The following DNAJC7 variants were observed in gnomAD, a reference collection of about 807,000 sequenced individuals.
DNAJC7 encodes the protein DnaJ heat shock protein family (Hsp40) member C7.
DNAJC7 carries 18 observed loss-of-function variants against 67.4 expected under a neutral mutation model. The observed-to-expected ratio is 0.27, with a 90% CI of 0.18 to 0.40. DNAJC7 has a LOEUF of 0.40. Among genes scored for constraint, DNAJC7 ranks in the 10% least tolerant of loss-of-function variants. The pLI is 1.00. For missense variants in DNAJC7, 419 were observed against 613.8 expected (o/e 0.68, Z 3.35); for synonymous variants, 220 against 207.8 (o/e 1.06, Z -0.50).
chr17:41,986,128 G>A (rs1315551833), intron 9 of DNAJC7: 4 of 143,800 alleles, frequency 2.8e-5, no homozygotes, highest in Admixed American at 2.3e-4. Flanking sequence ...AACTTTGGGA[G>A]GCCAAGACAG....
rs1274935088 is a variant in DNAJC7, at chr17:42,004,850, ACT to A, written c.78-4282_78-4281del. On this transcript the variant is annotated intron_variant, in intron 1 of 13. Transcript: ENST00000457167. ...AGAACAGCCTGGAAAACACAGGGAG[ACT>A]CTGTCTCTACAAAAATTTAAAAATT... 3.3e-5 allele frequency among the ~76,000 whole-genome samples: 5 copies of A among 152,086 alleles called. No individual in the cohort carries two copies. In the South Asian group the frequency reaches 8.3e-4, roughly 25 times the overall value.
At chr17:42,017,023 C>A in intron 1 of DNAJC7, 1 of 1,316,220 alleles carries the variant, frequency 7.6e-7, no homozygotes, top group Non-Finnish European at 9.7e-7. Context: ...TCATCGACGC[C>A]GCGCCGCTTC....
intron 1 of DNAJC7, among the ~76,000 whole-genome samples, chr17:42,010,690 C>A (rs782347736): frequency 3.9e-5 from 6 of 152,088 alleles, no homozygotes; most frequent in Non-Finnish European, 2.9e-5. Context: ...AGGACAGAAA[C>A]TCCAAAAACA....
intron 1 of DNAJC7, chr17:42,014,841 G>C (rs1377312122): frequency 1.3e-5 from 2 of 151,944 alleles, no homozygotes; most frequent in African/African-American, 4.8e-5. Context: ...TTACAGGTGT[G>C]AGCCACCACG....
chr17:41,979,186 A>G (rs2143092680), intron 12 of DNAJC7, among the ~76,000 whole-genome samples: 1 of 151,368 alleles, frequency 6.6e-6, no homozygotes, highest in East Asian at 2.0e-4. Context: ...TAAAAATATA[A>G]AAATTAGCCG....
Position 41,976,670 on chromosome 17 carries a change from T to G in DNAJC7, c.*63A>C. The G allele has an allele frequency of 6.3e-7, 1 of 1,591,024 alleles. No homozygotes were observed. Among genetic ancestry groups the G allele is most frequent in the Non-Finnish European group, 8.6e-7 (1 of 1,169,456 alleles). On this transcript the variant is annotated 3_prime_UTR_variant, in exon 14 of 14. Transcript: ENST00000457167. ...GTGATGAAGGGAGGAGGTGAACTGT[T>G]TCCACATTCAAGATTAAACTGAGTG... is the stretch of plus-strand genomic sequence containing the variant.
In DNAJC7 at chr17:41,987,865, T is replaced by C. The variant is rs1555647121; in HGVS notation, c.964A>G (p.Lys322Glu). The change falls in exon 9 of 14, where the codon AAG becomes GAG. Residue 322 changes from lysine (K) to glutamate (E), a missense_variant. Transcript: ENST00000457167. ...GCTTTTATGTAAGTGTCATCAAGCT[T>C]CACTGCATTTGTGCAGTCTTCTATT... ...DAIEDCTNAVKLDDTYIKAYL... is the reference protein window; with the variant it reads ...DAIEDCTNAVELDDTYIKAYL... 6.2e-7 allele frequency: 1 copy of C among 1,612,056 alleles called. No individual in the cohort carries two copies. Among genetic ancestry groups the C allele is most frequent in the African/African-American group, 1.3e-5 (1 of 74,916 alleles).
chr17:42,017,005 G>A, intron 1 of DNAJC7: 2 of 1,292,140 alleles, frequency 1.5e-6, no homozygotes, highest in Non-Finnish European at 2.0e-6. Context: ...GGCGATGTAA[G>A]GAAGTCGTCA....
chr17:41,976,638 C>G lies in DNAJC7; in HGVS notation c.*95G>C, dbSNP rs1482217988. 2.8e-5 allele frequency: 43 copies of G among 1,513,712 alleles called. No individual in the cohort carries two copies. The highest frequency in any genetic ancestry group is 3.8e-5 in the Non-Finnish European group (42 of 1,113,518). 93.8% of individuals were successfully genotyped at this position (1,513,712 alleles called of 1,614,324 possible). On this transcript the variant is annotated 3_prime_UTR_variant, in exon 14 of 14. Transcript: ENST00000457167. ...AGAAAACGAAACTGCTCTAAGCACA[C>G]GGAGACGTGATGAAGGGAGGAGGTG...
intron 4 of DNAJC7, 56 bp from the exon 5 acceptor site, chr17:41,995,000 C>T: frequency 6.7e-7 from 1 of 1,489,152 alleles, no homozygotes; most frequent in South Asian, 1.1e-5. Flanking sequence ...ATTAAACAAC[C>T]ACAAAAAAAT....
chr17:42,010,954 G>C (rs1334930981), intron 1 of DNAJC7: 1 of 152,144 alleles, frequency 6.6e-6, no homozygotes, highest in Non-Finnish European at 1.5e-5. Flanking sequence ...GATCCGAATG[G>C]GAGAAGGAAA....
chr17:42,010,284 G>C (rs1256255951), intron 1 of DNAJC7, among the ~76,000 whole-genome samples: 3 of 143,160 alleles, frequency 2.1e-5, no homozygotes, highest in African/African-American at 7.8e-5. Flanking sequence ...GGGAGTTCGA[G>C]ACCAGACTGA....
chr17:42,015,728 C>G (rs899295118), intron 1 of DNAJC7: 2 of 151,496 alleles, frequency 1.3e-5, no homozygotes, highest in Non-Finnish European at 2.9e-5. Context: ...GTGGTGGGCA[C>G]GTGTAGTCCC....
chr17:41,996,305 C>G lies in DNAJC7; in HGVS notation c.405+6G>C. ...TCTTTTGACAGAAACAGGATCAGAC[C>G]CGTACCTCTTGTTGTGCCTGAGCAT... On this transcript the variant is annotated splice_donor_region_variant and intron_variant, in intron 4 of 13. Transcript: ENST00000457167. 6.2e-7 allele frequency: 1 copy of G among 1,612,950 alleles called. No homozygotes were observed. The highest frequency in any genetic ancestry group is 1.8e-4 in the Middle Eastern group (1 of 5,646).
intron 2 of DNAJC7, among the ~76,000 whole-genome samples, chr17:41,998,713 A>G (rs2051725109): frequency 6.6e-6 from 1 of 152,192 alleles, no homozygotes; most frequent in African/African-American, 2.4e-5. Flanking sequence ...GGATTAAAGT[A>G]TGCTGGCAAA....
chr17:41,997,908 G>A (rs1054194350), intron 2 of DNAJC7, among the ~76,000 whole-genome samples: 5 of 152,070 alleles, frequency 3.3e-5, no homozygotes, highest in South Asian at 2.1e-4. Context: ...TGTTGCCCAC[G>A]CTGGACTGCA....
intron 10 of DNAJC7, among the ~76,000 whole-genome samples, chr17:41,982,947 A>AG (rs1273569475): frequency 6.6e-6 from 1 of 151,354 alleles, no homozygotes; most frequent in Non-Finnish European, 1.5e-5. Context: ...GTGACAGAGC[A>AG]GGACTCCATC....
chr17:42,000,713 G>T, intron 1 of DNAJC7, 143 bp from the exon 2 acceptor site: 1 of 593,038 alleles, frequency 1.7e-6, no homozygotes, highest in Non-Finnish European at 2.9e-6. Context: ...TAGATTTGTT[G>T]AATAGGCCAA....
In DNAJC7 at chr17:41,988,867, T is replaced by C. The variant is rs1555647267; in HGVS notation, c.783A>G (p.Glu261=). The C allele has an allele frequency of 6.2e-7, 1 of 1,613,660 alleles. No homozygotes were observed. The highest frequency in any genetic ancestry group is 1.7e-5 in the Admixed American group (1 of 59,906). ...CTTCCTTAAATGCTTTATTCCCATCTTCTTTCTTTGCTTTGAGTGCTTTGG... is the reference window on the plus strand; with the variant it reads ...CTTCCTTAAATGCTTTATTCCCATCCTCTTTCTTTGCTTTGAGTGCTTTGG... ...RNAKALKAKK[E]DGNKAFKEGN... is the part of the protein sequence containing the mutation. Residue 261 remains glutamate, a synonymous_variant, in exon 8 of 14, where the codon GAA becomes GAG. Coordinates refer to ENST00000457167, the MANE Select transcript of DNAJC7 (RefSeq NM_003315.4).
Sources: allele counts gnomAD v4.1 joint callset (sites outside exome capture counted in the v4.1 genomes callset), GRCh38; gene constraint gnomAD v4.1.1; transcripts MANE v1.5; gene names NCBI Gene and HGNC (gene_info 2026-07-23, HGNC 2026-07-21).